SEMA3D: variants seen among roughly 807,000 people sequenced by gnomAD.
The protein encoded by SEMA3D is semaphorin 3D.
In SEMA3D, 84 loss-of-function variants were observed where a neutral mutation model predicts 100.1. That is an observed-to-expected ratio of 0.84 (90% CI 0.70 to 1.01). SEMA3D has a LOEUF of 1.01. Ranked by LOEUF, SEMA3D falls within the 50% of genes least tolerant of loss-of-function variation. The pLI, the probability that SEMA3D is intolerant of heterozygous loss-of-function variation, is 0.00. For missense variants in SEMA3D, 875 were observed against 934.1 expected, an observed-to-expected ratio of 0.94 and a Z score of 0.82; for synonymous variants, 312 against 320.7, an observed-to-expected ratio of 0.97 and a Z score of 0.29.
At chr7:85,024,038 G>T (rs1790325037) in intron 12 of SEMA3D, among the ~76,000 whole-genome samples, 2 of 151,990 alleles carry the variant, frequency 1.3e-5, no homozygotes, top group South Asian at 4.1e-4. Flanking sequence ...CTGGATGTTG[G>T]TCTAAAGATC....
intron 2 of SEMA3D, among the ~76,000 whole-genome samples, chr7:85,138,149 C>T (rs149484498): frequency 4.6e-5 from 7 of 152,160 alleles, no homozygotes; most frequent in African/African-American, 1.7e-4. Flanking sequence ...GTTTAGTAGA[C>T]AGATAAGAAG....
chr7:85,121,809 G>T lies in SEMA3D; in HGVS notation c.83C>A (p.Thr28Asn), dbSNP rs1789422355. ...LFPALMMLSM[T>N]MLFLPVTGTL... ...GCCAGTGACTGGAAGAAACAACATGGTCATGCTTAGCATCATCAAAGCAGG... is the reference window on the plus strand; with the variant it reads ...GCCAGTGACTGGAAGAAACAACATGTTCATGCTTAGCATCATCAAAGCAGG... Residue 28 changes from threonine to asparagine, a missense_variant, in exon 3 of 19, where the codon ACC becomes AAC. By Grantham distance (65) the Thr-to-Asn change is moderately conservative. Transcript: ENST00000284136. The T allele has an allele frequency of 1.9e-6, 3 of 1,609,192 alleles. No homozygotes were observed. The highest frequency in any genetic ancestry group is 1.7e-6 in the Non-Finnish European group (2 of 1,177,762).
chr7:85,106,643 T>C (rs988493025), intron 3 of SEMA3D, among the ~76,000 whole-genome samples: 2 of 152,004 alleles, frequency 1.3e-5, no homozygotes. Context: ...CCATCTGTAG[T>C]AGTCTGTCCT....
chr7:85,078,352 G>C (rs1334255819), intron 5 of SEMA3D, among the ~76,000 whole-genome samples: 1 of 151,692 alleles, frequency 6.6e-6, no homozygotes, highest in Non-Finnish European at 1.5e-5. Context: ...AAGAAGGAAG[G>C]GAACGGAAGG....
At chr7:85,176,454 C>T (rs1791229101) in intron 1 of SEMA3D, among the ~76,000 whole-genome samples, 2 of 152,042 alleles carry the variant, frequency 1.3e-5, no homozygotes, top group African/African-American at 4.8e-5. Context: ...ACGACTCATA[C>T]AAACTAAAAC....
intron 1 of SEMA3D, among the ~76,000 whole-genome samples, chr7:85,182,362 A>G (rs1791433089): frequency 6.6e-6 from 1 of 152,280 alleles, no homozygotes; most frequent in South Asian, 2.1e-4. Context: ...AATCTCAGGG[A>G]AAGTAAATTA....
At chr7:85,109,411 C>T (rs1417580188) in intron 3 of SEMA3D, among the ~76,000 whole-genome samples, 2 of 151,956 alleles carry the variant, frequency 1.3e-5, no homozygotes, top group Non-Finnish European at 2.9e-5. Context: ...ACTTATATTT[C>T]CACTGAATAT....
intron 2 of SEMA3D, chr7:85,141,658 A>G (rs1217488320): frequency 1.0e-6 from 1 of 983,574 alleles, no homozygotes; most frequent in Non-Finnish European, 1.2e-6. Context: ...TCTAAATAAG[A>G]ACATGTTCCT....
At chr7:85,052,219 T>C (rs1791186289) in intron 9 of SEMA3D, among the ~76,000 whole-genome samples, 1 of 151,986 alleles carries the variant, frequency 6.6e-6, no homozygotes, top group Admixed American at 6.6e-5. Flanking sequence ...CAAATATTTC[T>C]CGATCCAGAT....
intron 2 of SEMA3D, among the ~76,000 whole-genome samples, chr7:85,136,012 T>G (rs894284927): frequency 6.6e-6 from 1 of 152,024 alleles, no homozygotes; most frequent in Admixed American, 6.6e-5. Flanking sequence ...TTTTCCTAAA[T>G]AAATGCAAAC....
At chr7:85,013,826 G>T (rs1278316502) in intron 16 of SEMA3D, among the ~76,000 whole-genome samples, 1 of 151,678 alleles carries the variant, frequency 6.6e-6, no homozygotes, top group Non-Finnish European at 1.5e-5. Context: ...AAGGTACATA[G>T]GTCAAGAATG....
intron 16 of SEMA3D, among the ~76,000 whole-genome samples, chr7:85,014,308 T>A (rs977145209): frequency 1.3e-5 from 2 of 151,864 alleles, no homozygotes; most frequent in Non-Finnish European, 2.9e-5. Context: ...ATCAACATTT[T>A]AAAATAATTA....
intron 1 of SEMA3D, among the ~76,000 whole-genome samples, chr7:85,167,693 G>A (rs1375888754): frequency 6.6e-6 from 1 of 151,718 alleles, no homozygotes; most frequent in Admixed American, 6.6e-5. Flanking sequence ...ATTATTCCAG[G>A]AAGGATGGAA....
At chr7:85,169,075 A>T (rs535220419) in intron 1 of SEMA3D, among the ~76,000 whole-genome samples, 1 of 151,850 alleles carries the variant, frequency 6.6e-6, no homozygotes. Flanking sequence ...ATTTTCTTAT[A>T]CTATGAGTCC....
chr7:85,140,372 A>G (rs189127142), intron 2 of SEMA3D: 1 of 979,184 alleles, frequency 1.0e-6, no homozygotes, highest in East Asian at 1.1e-4. Flanking sequence ...CAGCCAGTAG[A>G]TGTTGGTAAA....
chr7:85,047,181 A>G (rs1402601843), intron 9 of SEMA3D, among the ~76,000 whole-genome samples: 2 of 151,898 alleles, frequency 1.3e-5, no homozygotes, highest in African/African-American at 4.8e-5. Context: ...TTAAAGACAA[A>G]ACAAACCACA....
intron 2 of SEMA3D, among the ~76,000 whole-genome samples, chr7:85,125,783 CGTGT>C (rs79570607): frequency 2.5e-3 from 281 of 113,794 alleles, no homozygotes; most frequent in African/African-American, 7.5e-3. Context: ...TTGCTGTCTT[CGTGT>C]GTGTGTGTGT....
At chr7:85,069,125 C>G (rs552071207) in intron 6 of SEMA3D, among the ~76,000 whole-genome samples, 13 of 152,168 alleles carry the variant, frequency 8.5e-5, no homozygotes, top group African/African-American at 3.1e-4. Flanking sequence ...TAGAGAAATC[C>G]TGCACTTCAG....
At chr7:85,200,245 G>A in the SEMA3D span, among the ~76,000 whole-genome samples, 3 of 152,194 alleles carry the variant, frequency 2.0e-5, no homozygotes, top group African/African-American at 7.2e-5. Context: ...CAGTTTGGAG[G>A]GCTCAGAAGA....
Sources: gnomAD v4.1 joint callset for allele counts (sites outside exome capture counted in the v4.1 genomes callset) on GRCh38, gnomAD v4.1.1 for gene constraint, MANE v1.5 for transcripts, NCBI Gene and HGNC (gene_info 2026-07-23, HGNC 2026-07-21) for gene names.